MEGF11: variants seen among roughly 807,000 people sequenced by gnomAD.
MEGF11 encodes the protein multiple epidermal growth factor-like domains protein 11.
Under a neutral mutation model 146.6 loss-of-function variants are expected in MEGF11, and 126 were observed. That is an observed-to-expected ratio of 0.86 (90% confidence interval 0.74 to 1.00). The LOEUF is 1.00. Ranked by LOEUF, MEGF11 falls within the 50% of genes least tolerant of loss-of-function variation. The pLI is 0.00. For missense variants in MEGF11, 1,509 were observed against 1,521.2 expected (o/e 0.99, Z 0.13); for synonymous variants, 532 against 583.4 (o/e 0.91, Z 1.27).
At chr15:66,227,722 C>CG (rs1291140719) in intron 1 of MEGF11, among the ~76,000 whole-genome samples, 1 of 152,200 alleles carries the variant, frequency 6.6e-6, no homozygotes, top group Non-Finnish European at 1.5e-5. Flanking sequence ...ATGGAAGCGC[C>CG]GGGCTTCTGC....
intron 5 of MEGF11, among the ~76,000 whole-genome samples, chr15:66,050,853 C>G (rs1025653168): frequency 1.3e-5 from 2 of 152,220 alleles, no homozygotes; most frequent in Non-Finnish European, 1.5e-5. Flanking sequence ...AGCACTCACC[C>G]TGGGATTGCC....
intron 1 of MEGF11, among the ~76,000 whole-genome samples, chr15:66,220,925 T>C (rs1308853021): frequency 1.3e-5 from 2 of 152,066 alleles, no homozygotes; most frequent in African/African-American, 4.8e-5. Context: ...CAGAGGAATA[T>C]ACACTTCCCC....
chr15:65,975,578 G>T (rs1348723114), intron 7 of MEGF11, among the ~76,000 whole-genome samples: 1 of 152,148 alleles, frequency 6.6e-6, no homozygotes, highest in Non-Finnish European at 1.5e-5. Context: ...TGGTCTGGTG[G>T]GAAGAGCACT....
chr15:66,175,331 C>T (rs1174618435), intron 1 of MEGF11, among the ~76,000 whole-genome samples: 6 of 152,042 alleles, frequency 3.9e-5, no homozygotes, highest in East Asian at 1.9e-4. Context: ...CCCGAAAATG[C>T]GTATGGAGCC....
At chr15:66,041,491 C>T (rs1243507042) in intron 5 of MEGF11, among the ~76,000 whole-genome samples, 1 of 152,214 alleles carries the variant, frequency 6.6e-6, no homozygotes, top group East Asian at 1.9e-4. Flanking sequence ...TCGCCTTGCG[C>T]TGCACATTGC....
intron 9 of MEGF11, 71 bp downstream of exon 9, chr15:65,964,837 T>C: frequency 4.9e-6 from 7 of 1,414,314 alleles, no homozygotes; most frequent in Non-Finnish European, 6.7e-6. Context: ...GGGGGCCACA[T>C]CCTAGCAAGC....
chr15:66,064,992 C>A (rs756447946), intron 5 of MEGF11, among the ~76,000 whole-genome samples: 3 of 152,220 alleles, frequency 2.0e-5, no homozygotes, highest in Non-Finnish European at 2.9e-5. Context: ...TCTAAGCCCT[C>A]TTCCTCCTGG....
At chr15:66,136,403 G>A (rs1280385077) in intron 1 of MEGF11, among the ~76,000 whole-genome samples, 4 of 152,076 alleles carry the variant, frequency 2.6e-5, no homozygotes, top group East Asian at 1.9e-4. Flanking sequence ...CAGGGACCAC[G>A]TCTCCCCAGT....
chr15:65,902,841 T>G (rs1305628573), intron 24 of MEGF11, among the ~76,000 whole-genome samples: 2 of 152,130 alleles, frequency 1.3e-5, no homozygotes, highest in Non-Finnish European at 2.9e-5. Context: ...ACTAAACATT[T>G]TCATTTTATA....
rs3221608 is a variant in MEGF11 at position 66,160,664 on chromosome 15, GACACACACAC to G, written c.-8-32263_-8-32254del. On this transcript the variant is annotated intron_variant, in intron 1 of 25. Coordinates refer to ENST00000395614, the MANE Select transcript of MEGF11 (RefSeq NM_001385028.1). ...CAGGCACTGCTCTAGGCCCTAAGGG[GACACACACAC>G]ACACACACACACACACACACACACA... Among the ~76,000 whole-genome samples, 446 of 137,612 alleles carry G rather than the reference GACACACACAC, an allele frequency of 3.2e-3. 2 individuals carry two copies. The highest frequency in any genetic ancestry group is 7.7e-3 in the African/African-American group (268 of 34,926). The allele number at this position is 137,612 out of a possible 152,430, so 90.3% of individuals were successfully genotyped here. A position where few individuals can be genotyped will look rare whatever the true frequency, so the allele number is the denominator to read the frequency against.
At chr15:66,126,539 TCAGA>T (rs1390125072) in intron 2 of MEGF11, among the ~76,000 whole-genome samples, 1 of 152,206 alleles carries the variant, frequency 6.6e-6, no homozygotes, top group Non-Finnish European at 1.5e-5. Flanking sequence ...CAAATGGGGC[TCAGA>T]CAGAGAGAGA....
intron 5 of MEGF11, among the ~76,000 whole-genome samples, chr15:66,006,251 A>T (rs573530649): frequency 7.2e-5 from 11 of 152,182 alleles, no homozygotes; most frequent in Non-Finnish European, 1.6e-4. Context: ...CTGTTCTAAC[A>T]CAGGGTCTCT....
intron 7 of MEGF11, chr15:65,970,984 G>A: frequency 2.3e-6 from 1 of 427,234 alleles, no homozygotes; most frequent in Non-Finnish European, 4.3e-6. Flanking sequence ...ACCACAGAAA[G>A]AGCCAAAAAA....
At chr15:66,251,743 C>T (rs2092373584) in intron 1 of MEGF11, among the ~76,000 whole-genome samples, 1 of 152,234 alleles carries the variant, frequency 6.6e-6, no homozygotes, top group Non-Finnish European at 1.5e-5. Flanking sequence ...ATCTACTCTT[C>T]CTCCCGTATA....
Position 65,965,016 on chromosome 15 carries a change from C to T in MEGF11, c.1004G>A (p.Cys335Tyr), listed in dbSNP as rs778441781. The T allele has an allele frequency of 6.3e-7, 1 of 1,575,222 alleles. No individual in the cohort carries two copies. The highest frequency in any genetic ancestry group is 1.2e-5 in the South Asian group (1 of 85,692). ...QCSPTTGACE[C>Y]EPGYKGPRCQ... ...GCGTGGGCCCTTGTAGCCAGGCTCA[C>T]ACTCGCAGGCACCCGTGGTGGGTGA... The change falls in exon 9 of 26, where the codon TGT (cysteine) becomes TAT (tyrosine). Residue 335 changes from cysteine (C) to tyrosine (Y), a missense_variant. By Grantham distance (194) the Cys-to-Tyr change is radical. Coordinates refer to ENST00000395614, the MANE Select transcript of MEGF11 (RefSeq NM_001385028.1).
chr15:65,921,958 T>C (rs1469686504), intron 15 of MEGF11: 11 of 218,410 alleles, frequency 5.0e-5, no homozygotes, highest in Non-Finnish European at 6.5e-5. Flanking sequence ...AGCCAGCTCC[T>C]CTGCACTCCC....
chr15:65,923,067 C>G (rs1345738902), intron 13 of MEGF11, 98 bp from the exon 14 acceptor site: 6 of 1,311,924 alleles, frequency 4.6e-6, no homozygotes, highest in Non-Finnish European at 6.2e-6. Flanking sequence ...GAGGTGGAGG[C>G]AAGCATAGTG....
intron 5 of MEGF11, among the ~76,000 whole-genome samples, chr15:65,988,447 C>G (rs754267010): frequency 1.3e-5 from 2 of 152,232 alleles, no homozygotes; most frequent in Admixed American, 1.3e-4. Context: ...ATCAGGACTT[C>G]ATTCCTTTTT....
At chr15:65,907,754 T>C (rs1015857025) in intron 23 of MEGF11, among the ~76,000 whole-genome samples, 7 of 152,214 alleles carry the variant, frequency 4.6e-5, no homozygotes, top group African/African-American at 1.7e-4. Context: ...AACTTTTCCT[T>C]TTTACAGAAC....
Sources: gnomAD v4.1 joint callset for allele counts (sites outside exome capture counted in the v4.1 genomes callset) on GRCh38, gnomAD v4.1.1 for gene constraint, MANE v1.5 for transcripts, NCBI Gene and HGNC (gene_info 2026-07-23, HGNC 2026-07-21) for gene names.